Variants in NDRG2 observed in about 807,000 individuals in gnomAD.
NDRG2 encodes the protein protein NDRG2.
In NDRG2, 34 loss-of-function variants were observed where a neutral mutation model predicts 58.2. The ratio of observed to expected loss-of-function variants is 0.58; its 90% CI spans 0.44 to 0.78. The LOEUF is 0.78. Ranked by LOEUF, NDRG2 falls within the 30% of genes least tolerant of loss-of-function variation. The pLI is 0.00. For missense variants in NDRG2, 434 were observed against 471.2 expected, an observed-to-expected ratio of 0.92 and a Z score of 0.73; for synonymous variants, 187 against 175.9, an observed-to-expected ratio of 1.06 and a Z score of -0.50.
rs970652540 is a variant in NDRG2 at position 21,017,885 on chromosome 14, A to T, written c.949+102T>A. 7.5e-6 allele frequency: 12 copies of T among 1,604,368 alleles called. No individual in the cohort carries two copies. In the African/African-American group the frequency reaches 9.4e-5, roughly 13 times the overall value. On this transcript the variant is annotated intron_variant, in intron 15 of 15. Coordinates refer to ENST00000556147, the MANE Select transcript of NDRG2 (RefSeq NM_001320329.2). ...CTAAGCCAGGGGATCAACGAGCTCGATTGGGCAGATAGCGGTGAGTCCAGG... is the reference window on the plus strand; with the variant it reads ...CTAAGCCAGGGGATCAACGAGCTCGTTTGGGCAGATAGCGGTGAGTCCAGG...
chr14:21,023,033 CAA>C, intron 2 of NDRG2, 128 bp from the exon 3 acceptor site: 1 of 1,157,896 alleles, frequency 8.6e-7, no homozygotes, highest in Non-Finnish European at 1.3e-6. Flanking sequence ...AAGAGATTGA[CAA>C]AGAGAGACAC....
intron 1 of NDRG2, among the ~76,000 whole-genome samples, chr14:21,041,878 G>T (rs990825342): frequency 6.6e-6 from 1 of 152,098 alleles, no homozygotes; most frequent in African/African-American, 2.4e-5. Context: ...CACTTCCCTC[G>T]TGTCTGTTCC....
At position 21,070,455 on chromosome 14, in the gene NDRG2, G is replaced by C; in HGVS notation, c.24+373C>G. The C allele has an allele frequency of 8.9e-6, 12 of 1,348,126 alleles. No individual in the cohort carries two copies. Among genetic ancestry groups the C allele is most frequent in the African/African-American group, 1.5e-5 (1 of 65,402 alleles). The allele number at this position is 1,348,126 out of a possible 1,614,324, so 83.5% of individuals were successfully genotyped here. On this transcript the variant is annotated intron_variant, in intron 1 of 14. Coordinates refer to the NDRG2 transcript ENST00000403829. This position sits in a 1 kb window ranked among gnomAD's most constrained non-coding sequence, Gnocchi z 4.7. ...CCTCGGCCTTCGCGCAGCCCGCTCC[G>C]GGCCCCCAAGTCCTCAGCCTGGTGC...
intron 1 of NDRG2, chr14:21,042,876 G>A (rs1041122677): frequency 4.8e-6 from 4 of 840,730 alleles, no homozygotes; most frequent in South Asian, 1.8e-5. Flanking sequence ...GGAGACAACC[G>A]AGTAGGGAGA....
chr14:21,030,534 C>T, upstream of NDRG2: 1 of 1,584,766 alleles, frequency 6.3e-7, no homozygotes, highest in Non-Finnish European at 8.6e-7. Context: ...CCTTCTCCTT[C>T]ACCCCCAAGT....
chr14:21,068,914 G>A (rs1886447420), intron 1 of NDRG2, among the ~76,000 whole-genome samples: 1 of 152,226 alleles, frequency 6.6e-6, no homozygotes, highest in African/African-American at 2.4e-5. Flanking sequence ...AGAAGAGCAA[G>A]TCACCTTGGC....
chr14:21,069,556 C>T (rs1165096373), intron 1 of NDRG2, among the ~76,000 whole-genome samples: 4 of 152,234 alleles, frequency 2.6e-5, no homozygotes, highest in Non-Finnish European at 4.4e-5. Context: ...CATCCCGATC[C>T]GGGAACCCTG....
At chr14:21,038,087 A>G (rs1272939383) in intron 1 of NDRG2, among the ~76,000 whole-genome samples, 1 of 152,214 alleles carries the variant, frequency 6.6e-6, no homozygotes, top group African/African-American at 2.4e-5. Flanking sequence ...TTGAACCTGA[A>G]GGATTGCCTC....
intron 1 of NDRG2, among the ~76,000 whole-genome samples, chr14:21,037,438 G>A (rs1884696505): frequency 6.6e-6 from 1 of 152,236 alleles, no homozygotes; most frequent in Non-Finnish European, 1.5e-5. Flanking sequence ...GAGTGACAGT[G>A]GCTTGCTCAA....
chr14:21,049,471 C>A (rs1371862132), intron 1 of NDRG2, among the ~76,000 whole-genome samples: 1 of 152,140 alleles, frequency 6.6e-6, no homozygotes, highest in East Asian at 1.9e-4. Context: ...AGTACAAATT[C>A]CTGCTTGGGT....
At position 21,033,754 on chromosome 14, in the gene NDRG2, A is replaced by T. The variant is rs533305200; in HGVS notation, c.25-10433T>A. Reference sequence around the variant, plus strand: ...TCAGGAAGGAAGTCTTGTTACAGGGATCAGAGTGTTGGAAATGGAGACAGC... The same window carrying T: ...TCAGGAAGGAAGTCTTGTTACAGGGTTCAGAGTGTTGGAAATGGAGACAGC... On this transcript the variant is annotated intron_variant, in intron 1 of 14. Coordinates refer to the NDRG2 transcript ENST00000403829. The T allele has an allele frequency of 5.5e-6, 6 of 1,095,182 alleles. No homozygotes were observed. The African/African-American group carries it at 9.3e-5, about 17-fold the overall frequency. The allele number at this position is 1,095,182 out of a possible 1,614,324, so 67.8% of individuals were successfully genotyped here. A position where few individuals can be genotyped will look rare whatever the true frequency, so the allele number is the denominator to read the frequency against.
chr14:21,022,433 T>G lies in NDRG2; in HGVS notation c.182A>C (p.Lys61Thr), dbSNP rs1444235304. The change falls in exon 4 of 16, where the codon AAA becomes ACA. Residue 61 changes from lysine to threonine, a missense_variant. Transcript: ENST00000556147. Reference protein sequence around the residue: ...TFTVYGTPKPKRPAILTYHDV... With the variant: ...TFTVYGTPKPTRPAILTYHDV... Reference sequence around the variant, plus strand: ...GTGGTAGGTAAGGATCGCTGGGCGTTTGGGTTTGGGGGTGCCATAGACAGT... The same window carrying G: ...GTGGTAGGTAAGGATCGCTGGGCGTGTGGGTTTGGGGGTGCCATAGACAGT... 3.7e-6 allele frequency: 6 copies of G among 1,613,822 alleles called. No homozygotes were observed. The Admixed American group carries it at 1.0e-4, about 27-fold the overall frequency.
intron 1 of NDRG2, among the ~76,000 whole-genome samples, chr14:21,038,664 C>T (rs2139104782): frequency 6.6e-6 from 1 of 152,260 alleles, no homozygotes; most frequent in East Asian, 1.9e-4. Flanking sequence ...GTTAGAAAGA[C>T]AGGTTTGCCC....
chr14:21,035,413 G>A (rs1468412351), intron 1 of NDRG2, among the ~76,000 whole-genome samples: 2 of 152,212 alleles, frequency 1.3e-5, no homozygotes, highest in African/African-American at 2.4e-5. Context: ...AAAGGGCCAC[G>A]CTCCTATCTT....
In NDRG2 at chr14:21,022,887, G is replaced by C. The variant is rs772392281; in HGVS notation, c.94C>G (p.Arg32Gly). 1.9e-6 allele frequency: 3 copies of C among 1,613,952 alleles called. No individual in the cohort carries two copies. The South Asian group carries it at 3.3e-5, about 18-fold the overall frequency. The change falls in exon 3 of 16, where the codon CGA becomes GGA. Residue 32 changes from arginine to glycine, a missense_variant. Arg to Gly is a moderately radical substitution (Grantham distance 125). Coordinates refer to ENST00000556147, the MANE Select transcript of NDRG2 (RefSeq NM_001320329.2). Reference sequence around the variant, plus strand: ...ACCTGTCCCTGGTCCAGGAGGATTCGGGCAGCTAACTCAGCCTCCTGGAGA... The same window carrying C: ...ACCTGTCCCTGGTCCAGGAGGATTCCGGCAGCTAACTCAGCCTCCTGGAGA... ...EAAKEAELAA[R>G]ILLDQGQTHS...
intron 1 of NDRG2, among the ~76,000 whole-genome samples, chr14:21,061,465 G>T (rs1485269275): frequency 6.6e-6 from 1 of 152,138 alleles, no homozygotes; most frequent in African/African-American, 2.4e-5. Flanking sequence ...TGTAAAACTG[G>T]CCCACTCTGA....
upstream of NDRG2, chr14:21,025,650 A>T: frequency 2.0e-6 from 2 of 982,912 alleles, no homozygotes; most frequent in Non-Finnish European, 2.4e-6. The surrounding 1 kb of genome is among the most constrained non-coding windows in gnomAD (Gnocchi z 5.1). Flanking sequence ...AGGAGTTCCG[A>T]CTCCCTCGTG....
chr14:21,025,229 G>C (rs1025602866), upstream of NDRG2: 2 of 851,362 alleles, frequency 2.3e-6, no homozygotes, highest in East Asian at 2.4e-4. This position sits in a 1 kb window ranked among gnomAD's most constrained non-coding sequence, Gnocchi z 5.1. Flanking sequence ...GGTTGTGCTG[G>C]GGCCGGGGGG....
chr14:21,035,465 C>G (rs1884559732), intron 1 of NDRG2, among the ~76,000 whole-genome samples: 1 of 152,238 alleles, frequency 6.6e-6, no homozygotes, highest in Non-Finnish European at 1.5e-5. Flanking sequence ...AAAGAGCCAG[C>G]TCCCTGGAAA....
Sources: gnomAD v4.1 joint callset for allele counts (sites outside exome capture counted in the v4.1 genomes callset) on GRCh38, gnomAD v4.1.1 for gene constraint, Gnocchi (gnomAD v3.1) non-coding constraint, MANE v1.5 for transcripts, NCBI Gene and HGNC (gene_info 2026-07-23, HGNC 2026-07-21) for gene names.